RSPO2: variants seen among roughly 807,000 people sequenced by gnomAD.
RSPO2 encodes R-spondin 2, also known as R-spondin-2.
Under a neutral mutation model 30.9 loss-of-function variants are expected in RSPO2, and 14 were observed. The observed-to-expected ratio is 0.45, with a 90% CI of 0.30 to 0.71. RSPO2 has a LOEUF of 0.71. Ranked by LOEUF, RSPO2 falls within the 30% of genes least tolerant of loss-of-function variation. RSPO2 has a pLI of 0.08. For missense variants in RSPO2, 264 were observed against 301.9 expected (o/e 0.87, Z 0.93); for synonymous variants, 107 against 96.4 (o/e 1.11, Z -0.64).
At chr8:107,989,013 T>A (rs754165353) in intron 3 of RSPO2, 43 bp downstream of exon 3, 3 of 1,503,602 alleles carry the variant, frequency 2.0e-6, no homozygotes, top group Non-Finnish European at 2.7e-6. Context: ...CTCTCCTAAG[T>A]TGCATATCCA....
intron 2 of RSPO2, among the ~76,000 whole-genome samples, chr8:108,057,487 T>C (rs1812293588): frequency 6.6e-6 from 1 of 152,190 alleles, no homozygotes; most frequent in Non-Finnish European, 1.5e-5. Flanking sequence ...AATCAACTAT[T>C]TATACAAGGA....
chr8:107,920,374 C>G (rs1432839357), intron 5 of RSPO2, among the ~76,000 whole-genome samples: 1 of 152,058 alleles, frequency 6.6e-6, no homozygotes, highest in Non-Finnish European at 1.5e-5. Context: ...ATTAAGATCG[C>G]TTTGTCATTG....
At chr8:108,045,021 A>C (rs897470214) in intron 2 of RSPO2, among the ~76,000 whole-genome samples, 1 of 152,184 alleles carries the variant, frequency 6.6e-6, no homozygotes, top group African/African-American at 2.4e-5. Flanking sequence ...GCCTTGGCAA[A>C]GAATTTATGA....
chr8:108,003,251 A>G (rs10216753), intron 2 of RSPO2, among the ~76,000 whole-genome samples: 3,035 of 22,578 alleles, frequency 0.13, 136 homozygotes, highest in South Asian at 0.2. Context: ...GTATGTATGT[A>G]TGTGTGTGTG....
chr8:108,062,127 T>C (rs1308204407), intron 2 of RSPO2, among the ~76,000 whole-genome samples: 1 of 151,568 alleles, frequency 6.6e-6, no homozygotes, highest in Non-Finnish European at 1.5e-5. Flanking sequence ...TTAAAAGAAC[T>C]AGAGAAGCAG....
chr8:107,944,671 A>G (rs1006352313), intron 5 of RSPO2, among the ~76,000 whole-genome samples: 4 of 152,216 alleles, frequency 2.6e-5, no homozygotes, highest in African/African-American at 9.6e-5. Context: ...TTAACATCAA[A>G]GCAAGAATTA....
intron 3 of RSPO2, among the ~76,000 whole-genome samples, chr8:107,963,649 G>A (rs905289511): frequency 6.6e-5 from 10 of 151,666 alleles, no homozygotes; most frequent in Non-Finnish European, 7.4e-5. Context: ...ATTTGGGGAG[G>A]GGATAGTAGA....
intron 2 of RSPO2, among the ~76,000 whole-genome samples, chr8:108,041,582 G>C (rs1016455428): frequency 2.0e-5 from 3 of 152,148 alleles, no homozygotes; most frequent in Non-Finnish European, 1.5e-5. Flanking sequence ...ACAGCAAATT[G>C]CAAGTGTGGT....
At chr8:107,913,134 T>A (rs757827678) in intron 5 of RSPO2, among the ~76,000 whole-genome samples, 8 of 152,204 alleles carry the variant, frequency 5.3e-5, no homozygotes, top group East Asian at 1.9e-4. Flanking sequence ...AGAGGTAAAG[T>A]AAACCTAAGA....
At chr8:107,926,086 T>C (rs1049633927) in intron 5 of RSPO2, among the ~76,000 whole-genome samples, 1 of 152,188 alleles carries the variant, frequency 6.6e-6, no homozygotes, top group African/African-American at 2.4e-5. Flanking sequence ...GACTTTTTAA[T>C]GACTGCCATT....
At chr8:107,989,343 A>G (rs1406222688) in intron 2 of RSPO2, 99 bp from the exon 3 acceptor site, 5 of 733,782 alleles carry the variant, frequency 6.8e-6, no homozygotes, top group Middle Eastern at 3.6e-4. Flanking sequence ...TCTTTCTGCT[A>G]TACTCACATA....
intron 5 of RSPO2, among the ~76,000 whole-genome samples, chr8:107,902,484 TTCAA>T (rs1200704530): frequency 3.9e-5 from 6 of 152,100 alleles, no homozygotes; most frequent in Admixed American, 3.9e-4. Flanking sequence ...AGGCCAATTT[TTCAA>T]TCTAGCCTAT....
intron 2 of RSPO2, among the ~76,000 whole-genome samples, chr8:108,033,637 G>C (rs1811500507): frequency 6.6e-6 from 1 of 152,220 alleles, no homozygotes; most frequent in South Asian, 2.1e-4. Context: ...TATTTTTTAA[G>C]TATAGCCTTA....
intron 2 of RSPO2, among the ~76,000 whole-genome samples, chr8:108,034,029 A>G (rs1165970963): frequency 6.6e-6 from 1 of 152,202 alleles, no homozygotes; most frequent in Non-Finnish European, 1.5e-5. Flanking sequence ...TGCAATGTGA[A>G]AAGTAATCTC....
intron 2 of RSPO2, among the ~76,000 whole-genome samples, chr8:108,057,464 T>G (rs1326803928): frequency 6.6e-6 from 1 of 151,714 alleles, no homozygotes; most frequent in Non-Finnish European, 1.5e-5. Context: ...CTACAGTAAG[T>G]GGCTATAAAA....
intron 5 of RSPO2, among the ~76,000 whole-genome samples, chr8:107,904,704 G>A (rs749196941): frequency 6.6e-6 from 1 of 152,058 alleles, no homozygotes; most frequent in Non-Finnish European, 1.5e-5. Context: ...GCATATGCCT[G>A]ACTCTTAGTC....
At chr8:108,030,731 C>A (rs1811394169) in intron 2 of RSPO2, among the ~76,000 whole-genome samples, 1 of 152,160 alleles carries the variant, frequency 6.6e-6, no homozygotes, top group South Asian at 2.1e-4. Context: ...GGAGGGACTC[C>A]TAATCCAGCC....
intron 2 of RSPO2, among the ~76,000 whole-genome samples, chr8:108,043,261 T>C (rs1455314450): frequency 6.6e-6 from 1 of 152,148 alleles, no homozygotes; most frequent in Admixed American, 6.6e-5. Context: ...ACTTGCTCTG[T>C]TTACATAGAA....
chr8:108,018,214 C>A (rs901712220), intron 2 of RSPO2, among the ~76,000 whole-genome samples: 1 of 152,052 alleles, frequency 6.6e-6, no homozygotes, highest in Non-Finnish European at 1.5e-5. Flanking sequence ...CTAAGGTGAG[C>A]CCTTTTGGGG....
Sources: allele counts gnomAD v4.1 joint callset (sites outside exome capture counted in the v4.1 genomes callset), GRCh38; gene constraint gnomAD v4.1.1; transcripts MANE v1.5; gene names NCBI Gene and HGNC (gene_info 2026-07-23, HGNC 2026-07-21).